Variants in DMD observed in about 807,000 individuals in gnomAD.
The protein encoded by DMD is mutant dystrophin.
DMD carries 63 observed loss-of-function variants against 330.1 expected under a neutral mutation model. The ratio of observed to expected loss-of-function variants is 0.19; its 90% CI spans 0.16 to 0.24. The LOEUF (loss-of-function observed/expected upper bound fraction) is 0.24, where lower values mean the gene tolerates loss of function less well. DMD is among the 10% of genes least tolerant of loss of function. The pLI, the probability that DMD is intolerant of heterozygous loss-of-function variation, is 1.00. For missense variants in DMD, 3,344 were observed against 2,684.1 expected (o/e 1.25, Z -5.43); for synonymous variants, 1,223 against 959.8 (o/e 1.27, Z -5.07).
Position 32,485,018 on chromosome X carries a change from G to C in DMD, c.2704C>G (p.Gln902Glu). The change falls in exon 21 of 79, where the codon CAA becomes GAA. Residue 902 changes from glutamine (Q) to glutamate (E), a missense_variant. Physicochemically the swap from Gln to Glu is conservative, Grantham distance 29 (BLOSUM62 2). Coordinates refer to ENST00000357033, the MANE Select transcript of DMD (RefSeq NM_004006.3). ...IQSIALKEKG[Q>E]GPMFLDADFV... ...TCTGCATCCAGGAACATGGGTCCTTGTCCTTTCTCTTTCAGGGCTATGCTT... is the reference window on the plus strand; with the variant it reads ...TCTGCATCCAGGAACATGGGTCCTTCTCCTTTCTCTTTCAGGGCTATGCTT... 1.7e-6 allele frequency: 2 copies of C among 1,211,371 alleles called. No individual in the cohort carries two copies. Among genetic ancestry groups the C allele is most frequent in the East Asian group, 3.0e-5 (1 of 33,828 alleles).
intron 78 of DMD, among the ~76,000 whole-genome samples, chrX:31,122,716 C>CCAT (rs1458728085): frequency 9.0e-6 from 1 of 111,531 alleles, no homozygotes; most frequent in African/African-American, 3.3e-5. Context: ...TTTTGTGAAT[C>CCAT]CATCTTAGAG....
chrX:32,716,715 T>C (rs1465937009), intron 7 of DMD, among the ~76,000 whole-genome samples: 1 of 110,944 alleles, frequency 9.0e-6, no homozygotes, highest in East Asian at 2.9e-4. Flanking sequence ...TTGAACTGCT[T>C]GGACCAAAAT....
chrX:33,075,435 T>C (rs187093753), intron 1 of DMD, among the ~76,000 whole-genome samples: 96 of 111,792 alleles, frequency 8.6e-4, no homozygotes, highest in African/African-American at 3.0e-3. Flanking sequence ...TGTATAAAAC[T>C]CTCCATTGCA....
intron 41 of DMD, among the ~76,000 whole-genome samples, chrX:32,336,516 C>A (rs1392361976): frequency 9.0e-6 from 1 of 111,592 alleles, no homozygotes; most frequent in East Asian, 2.8e-4. Flanking sequence ...CATCTTTTAC[C>A]ACCTCACTTT....
At chrX:32,666,790 G>GAACTCT (rs988381102) in intron 9 of DMD, among the ~76,000 whole-genome samples, 4 of 103,726 alleles carry the variant, frequency 3.9e-5, no homozygotes, top group African/African-American at 1.4e-4. Context: ...TTGGGTCAAT[G>GAACTCT]AACTCTAACC....
At chrX:32,612,678 T>A (rs2057268603) in intron 12 of DMD, among the ~76,000 whole-genome samples, 2 of 111,603 alleles carry the variant, frequency 1.8e-5, no homozygotes, top group South Asian at 3.7e-4. Flanking sequence ...GTTAGAGAAC[T>A]AGCACTGTAC....
intron 16 of DMD, among the ~76,000 whole-genome samples, chrX:32,564,595 T>C (rs778540126): frequency 7.1e-5 from 8 of 112,517 alleles, no homozygotes; most frequent in Non-Finnish European, 1.5e-4. Flanking sequence ...GTTTTTATTA[T>C]GTAATGATTG....
chrX:33,095,734 G>A (rs1238498540), intron 1 of DMD, among the ~76,000 whole-genome samples: 1 of 110,685 alleles, frequency 9.0e-6, no homozygotes, highest in African/African-American at 3.3e-5. Context: ...AGCATGCTTG[G>A]TATGAGTCAC....
At chrX:32,593,591 A>T (rs73461751) in intron 13 of DMD, among the ~76,000 whole-genome samples, 1,448 of 110,484 alleles carry the variant, frequency 0.013, 26 homozygotes, top group African/African-American at 0.045. Context: ...CAAATTACCC[A>T]TCGCAACCAG....
chrX:32,769,261 G>A (rs1447573067), intron 7 of DMD, among the ~76,000 whole-genome samples: 1 of 111,928 alleles, frequency 8.9e-6, no homozygotes, highest in Non-Finnish European at 1.9e-5. Context: ...GGCAGAATGC[G>A]AAAGGCATGT....
chrX:31,396,334 T>C (rs1273422542), intron 60 of DMD, among the ~76,000 whole-genome samples: 3 of 110,356 alleles, frequency 2.7e-5, no homozygotes, highest in Non-Finnish European at 5.7e-5. Flanking sequence ...AGACGGGGTT[T>C]CACCGTGTTA....
intron 60 of DMD, among the ~76,000 whole-genome samples, chrX:31,363,282 T>A (rs1291446582): frequency 9.0e-6 from 1 of 111,136 alleles, no homozygotes; most frequent in Non-Finnish European, 1.9e-5. Flanking sequence ...GAATCTCAAG[T>A]ATTCATAACT....
chrX:33,205,247 C>A (rs1484530295), intron 1 of DMD, among the ~76,000 whole-genome samples: 1 of 112,596 alleles, frequency 8.9e-6, no homozygotes, highest in Non-Finnish European at 1.9e-5. Context: ...TTCACTTACT[C>A]AACTAGTTTA....
At chrX:31,608,832 C>T (rs12389481) in intron 55 of DMD, among the ~76,000 whole-genome samples, 1,890 of 111,422 alleles carry the variant, frequency 0.017, 18 homozygotes, top group East Asian at 0.035. Flanking sequence ...CATGGCCAAC[C>T]CCTAAGACTA....
intron 47 of DMD, among the ~76,000 whole-genome samples, chrX:31,889,894 G>A (rs2094217115): frequency 9.1e-6 from 1 of 110,144 alleles, no homozygotes; most frequent in Admixed American, 9.8e-5. Context: ...CCTTGGATTC[G>A]TAGGAAATAT....
intron 1 of DMD, among the ~76,000 whole-genome samples, chrX:33,249,447 G>T (rs997169449): frequency 3.6e-5 from 4 of 112,065 alleles, no homozygotes; most frequent in Non-Finnish European, 7.5e-5. Flanking sequence ...CACCATGCCT[G>T]GCCAATTGCT....
intron 50 of DMD, among the ~76,000 whole-genome samples, chrX:31,782,078 T>C (rs1359035654): frequency 1.8e-5 from 2 of 111,465 alleles, no homozygotes; most frequent in Admixed American, 9.6e-5. Flanking sequence ...TATCCATAAG[T>C]AAACCACAAA....
At chrX:32,549,924 CT>C (rs779518771) in intron 16 of DMD, among the ~76,000 whole-genome samples, 2 of 112,446 alleles carry the variant, frequency 1.8e-5, no homozygotes, top group Admixed American at 9.4e-5. Context: ...AAATAAAATA[CT>C]TTTTTTCTAC....
chrX:33,055,340 T>C (rs1218390161), intron 1 of DMD, among the ~76,000 whole-genome samples: 1 of 111,564 alleles, frequency 9.0e-6, no homozygotes, highest in African/African-American at 3.3e-5. Flanking sequence ...GTGTTTGAGG[T>C]AGCTACGTGA....
Sources: gnomAD v4.1 joint callset for allele counts (sites outside exome capture counted in the v4.1 genomes callset) on GRCh38, gnomAD v4.1.1 for gene constraint, MANE v1.5 for transcripts, NCBI Gene and HGNC (gene_info 2026-07-23, HGNC 2026-07-21) for gene names.